Variants in INSL6 observed in about 807,000 individuals in gnomAD.
INSL6 encodes insulin-like peptide INSL6.
Under a neutral mutation model 9.4 loss-of-function variants are expected in INSL6, and 16 were observed. The observed-to-expected ratio is 1.70, with a 90% CI of 1.15 to 2.59. The LOEUF is 2.59. INSL6 is among the 30% of genes most tolerant of loss of function. The pLI, the probability that INSL6 is intolerant of heterozygous loss-of-function variation, is 0.00. For synonymous variants in INSL6, 154 were observed against 96.9 expected, an observed-to-expected ratio of 1.59 and a Z score of -3.46; for missense variants, 391 against 257.3, an observed-to-expected ratio of 1.52 and a Z score of -3.56.
chr9:5,059,125 C>A, the INSL6 span, among the ~76,000 whole-genome samples: 1 of 152,094 alleles, frequency 6.6e-6, no homozygotes, highest in African/African-American at 2.4e-5. Flanking sequence ...GTGTATAGCT[C>A]AATGAATTTT....
chr9:5,057,487 C>G, the INSL6 span, among the ~76,000 whole-genome samples: 1 of 151,764 alleles, frequency 6.6e-6, no homozygotes, highest in Admixed American at 6.6e-5. Context: ...ATTTCCAGAA[C>G]TCTTTTATCT....
chr9:5,010,089 G>A, the INSL6 span, among the ~76,000 whole-genome samples: 2 of 152,142 alleles, frequency 1.3e-5, no homozygotes, highest in African/African-American at 4.8e-5. Context: ...GTTTTAAATA[G>A]AGTCTATTTC....
At chr9:5,149,683 C>T (rs941415813) in intron 2 of INSL6, among the ~76,000 whole-genome samples, 2 of 140,704 alleles carry the variant, frequency 1.4e-5, no homozygotes, top group African/African-American at 2.7e-5. Flanking sequence ...AGATTAAATA[C>T]AATTCCTATC....
the INSL6 span, among the ~76,000 whole-genome samples, chr9:5,050,447 T>G: frequency 6.6e-6 from 1 of 152,028 alleles, no homozygotes; most frequent in African/African-American, 2.4e-5. Flanking sequence ...ATTTTTAAAT[T>G]TTTTGTGGAG....
the INSL6 span, chr9:5,110,735 G>A: frequency 2.8e-6 from 1 of 363,156 alleles, no homozygotes; most frequent in South Asian, 2.2e-5. Context: ...TATAGTACCC[G>A]TGTTATTTTC....
chr9:5,011,896 G>A, the INSL6 span, among the ~76,000 whole-genome samples: 1 of 152,172 alleles, frequency 6.6e-6, no homozygotes, highest in Non-Finnish European at 1.5e-5. Flanking sequence ...TTCAAGTGTG[G>A]CTTTTCTGGC....
chr9:5,041,419 C>T, the INSL6 span: 4 of 627,598 alleles, frequency 6.4e-6, no homozygotes, highest in Non-Finnish European at 1.2e-5. Flanking sequence ...TGCTGGGCCA[C>T]ATGTTCATGT....
chr9:4,994,522 T>G, the INSL6 span, among the ~76,000 whole-genome samples: 1 of 152,202 alleles, frequency 6.6e-6, no homozygotes, highest in African/African-American at 2.4e-5. Context: ...AAACCAGGGA[T>G]TGGCAAGATT....
the INSL6 span, among the ~76,000 whole-genome samples, chr9:5,009,152 A>C: frequency 3.3e-5 from 5 of 152,352 alleles, no homozygotes; most frequent in African/African-American, 1.2e-4. Flanking sequence ...CACAAATCTT[A>C]AAATAACTGG....
intron 2 of INSL6, among the ~76,000 whole-genome samples, chr9:5,137,730 T>A (rs1197706475): frequency 6.6e-6 from 1 of 152,108 alleles, no homozygotes; most frequent in African/African-American, 2.4e-5. Flanking sequence ...AAGCCAAAAT[T>A]GACATATGGG....
At chr9:5,160,383 A>T (rs1346977899), downstream of INSL6, among the ~76,000 whole-genome samples, 1 of 152,158 alleles carries the variant, frequency 6.6e-6, no homozygotes, top group Non-Finnish European at 1.5e-5. Context: ...AGAAAACTTT[A>T]AAATTTCCAG....
chr9:5,102,626 T>A, the INSL6 span, among the ~76,000 whole-genome samples: 1 of 152,122 alleles, frequency 6.6e-6, no homozygotes, highest in African/African-American at 2.4e-5. Context: ...GAAAAAAATG[T>A]TAAGGGCAGC....
intron 1 of INSL6, among the ~76,000 whole-genome samples, chr9:5,173,352 T>C (rs1461133749): frequency 6.6e-6 from 1 of 152,132 alleles, no homozygotes; most frequent in Non-Finnish European, 1.5e-5. Context: ...AAGACATGAA[T>C]TCAACCCAAA....
the INSL6 span, chr9:5,041,094 G>A: frequency 2.8e-6 from 2 of 720,716 alleles, no homozygotes; most frequent in African/African-American, 1.7e-5. Flanking sequence ...ACAGCCTGGA[G>A]GACCTGTTCG....
At chr9:5,092,254 T>C in the INSL6 span, among the ~76,000 whole-genome samples, 1 of 152,086 alleles carries the variant, frequency 6.6e-6, no homozygotes, top group Admixed American at 6.5e-5. Context: ...AGTAGAGTGC[T>C]TGGTTGAGGT....
the INSL6 span, among the ~76,000 whole-genome samples, chr9:5,088,722 G>C: frequency 1.2e-3 from 180 of 152,322 alleles, no homozygotes; most frequent in African/African-American, 4.1e-3. Flanking sequence ...TTCTAGTGAG[G>C]TTTCTTCTTG....
the INSL6 span, chr9:5,041,525 C>A: frequency 3.7e-6 from 2 of 547,610 alleles, no homozygotes; most frequent in Non-Finnish European, 7.2e-6. Context: ...CCACGCCCAT[C>A]GAAGTGCTCT....
chr9:5,025,549 T>G, the INSL6 span, among the ~76,000 whole-genome samples: 1 of 151,726 alleles, frequency 6.6e-6, no homozygotes, highest in Non-Finnish European at 1.5e-5. Flanking sequence ...TTTTTTTTTT[T>G]TTGAGACTGA....
chr9:5,114,527 G>T, the INSL6 span: 1 of 466,436 alleles, frequency 2.1e-6, no homozygotes, highest in South Asian at 1.8e-5. Context: ...TAGAAGAGCC[G>T]AGGAACCAGG....
Sources: gnomAD v4.1 joint callset for allele counts (sites outside exome capture counted in the v4.1 genomes callset) on GRCh38, gnomAD v4.1.1 for gene constraint, MANE v1.5 for transcripts, NCBI Gene and HGNC (gene_info 2026-07-23, HGNC 2026-07-21) for gene names.